COLEC12: variants seen among roughly 807,000 people sequenced by gnomAD.
The protein encoded by COLEC12 is collectin-12.
In COLEC12, 33 loss-of-function variants were observed where a neutral mutation model predicts 71.1. The observed-to-expected ratio is 0.46, with a 90% confidence interval of 0.35 to 0.62. COLEC12 has a LOEUF of 0.62. COLEC12 is among the 20% of genes least tolerant of loss of function. The pLI, the probability that COLEC12 is intolerant of heterozygous loss-of-function variation, is 0.00. For synonymous variants in COLEC12, 350 were observed against 353.0 expected, an observed-to-expected ratio of 0.99 and a Z score of 0.10; for missense variants, 765 against 916.1, an observed-to-expected ratio of 0.84 and a Z score of 2.13.
chr18:350,314 G>T (rs61663812), intron 3 of COLEC12, among the ~76,000 whole-genome samples: 5,108 of 152,102 alleles, frequency 0.034, 98 homozygotes, highest in Non-Finnish European at 0.038. Flanking sequence ...CGTGTAAGAA[G>T]TGCCTTTTGC....
At chr18:401,002 G>A (rs1915673799) in intron 2 of COLEC12, among the ~76,000 whole-genome samples, 1 of 152,134 alleles carries the variant, frequency 6.6e-6, no homozygotes, top group Non-Finnish European at 1.5e-5. Flanking sequence ...TTGTGAAGAT[G>A]CATTCTGTAT....
intron 2 of COLEC12, among the ~76,000 whole-genome samples, chr18:403,138 C>A (rs1234196906): frequency 6.6e-6 from 1 of 152,200 alleles, no homozygotes; most frequent in Non-Finnish European, 1.5e-5. Flanking sequence ...GACTTAGCCT[C>A]TGGCTACGGC....
Position 500,266 on chromosome 18 carries a change from C to T in COLEC12, c.7+242G>A, listed in dbSNP as rs1917794941. Among the ~76,000 whole-genome samples, 1 of 152,176 alleles carries T rather than the reference C, an allele frequency of 6.6e-6. No homozygotes were observed. Among genetic ancestry groups the T allele is most frequent in the East Asian group, 1.9e-4 (1 of 5,166 alleles). The stretch of plus-strand genomic sequence containing the variant: ...TAGGGCTTCAAACTACTTGCAAAGA[C>T]GCGATGGGGAGGGGAATACTTGCGC... On this transcript the variant is annotated intron_variant, in intron 1 of 9. Transcript: ENST00000400256. This position sits in a 1 kb window ranked among gnomAD's most constrained non-coding sequence, Gnocchi z 5.3.
intron 2 of COLEC12, among the ~76,000 whole-genome samples, chr18:461,648 A>G (rs1012170365): frequency 2.6e-5 from 4 of 152,150 alleles, no homozygotes; most frequent in African/African-American, 9.7e-5. Context: ...TTGGCCTACT[A>G]AAGTACTAGG....
chr18:357,076 A>G (rs1914642588), intron 3 of COLEC12, among the ~76,000 whole-genome samples: 2 of 152,184 alleles, frequency 1.3e-5, no homozygotes, highest in Non-Finnish European at 2.9e-5. Flanking sequence ...TAAAGCCTCC[A>G]AGAGATAGGA....
At chr18:481,280 G>C (rs1189667554) in intron 1 of COLEC12, among the ~76,000 whole-genome samples, 3 of 152,140 alleles carry the variant, frequency 2.0e-5, no homozygotes, top group Admixed American at 6.5e-5. Flanking sequence ...CATAACTCCT[G>C]CAGTGACAAC....
At chr18:378,940 C>T (rs1290019738) in intron 2 of COLEC12, among the ~76,000 whole-genome samples, 1 of 152,130 alleles carries the variant, frequency 6.6e-6, no homozygotes, top group African/African-American at 2.4e-5. Context: ...GAACTTCACA[C>T]CCAAACTGCC....
intron 1 of COLEC12, among the ~76,000 whole-genome samples, chr18:481,565 G>C (rs552218953): frequency 6.6e-6 from 1 of 152,292 alleles, no homozygotes; most frequent in Admixed American, 6.5e-5. Flanking sequence ...TTAGCCAGAT[G>C]TGGTGGCACG....
chr18:385,980 C>T (rs149981932), intron 2 of COLEC12, among the ~76,000 whole-genome samples: 23 of 152,212 alleles, frequency 1.5e-4, no homozygotes, highest in African/African-American at 5.5e-4. Context: ...ATGGCATTTA[C>T]CAGATGTCCT....
chr18:376,739 G>C (rs1598344014), intron 2 of COLEC12, among the ~76,000 whole-genome samples: 2 of 152,274 alleles, frequency 1.3e-5, no homozygotes. Context: ...TTTATTAGCT[G>C]CTTAACCCAA....
chr18:432,931 C>A (rs905673463), intron 2 of COLEC12, among the ~76,000 whole-genome samples: 12 of 152,146 alleles, frequency 7.9e-5, no homozygotes, highest in Non-Finnish European at 1.3e-4. Context: ...TCTTTTTTCA[C>A]ATGTGTCACT....
intron 5 of COLEC12, among the ~76,000 whole-genome samples, chr18:340,543 C>CACTTCTA (rs1914227521): frequency 6.6e-6 from 1 of 152,198 alleles, no homozygotes. Flanking sequence ...AAGTGCCCAG[C>CACTTCTA]CCAGTTTCCT....
intron 2 of COLEC12, among the ~76,000 whole-genome samples, chr18:385,657 G>T (rs983993634): frequency 6.6e-6 from 1 of 152,142 alleles, no homozygotes; most frequent in Non-Finnish European, 1.5e-5. Flanking sequence ...AGAAAGAAAA[G>T]AGATTTTAGT....
Position 335,191 on chromosome 18 carries a change from G to A in COLEC12, c.1367C>T (p.Ser456Phe), listed in dbSNP as rs1914090400. The A allele has an allele frequency of 6.2e-7, 1 of 1,611,010 alleles. No individual in the cohort carries two copies. Among genetic ancestry groups the A allele is most frequent in the Non-Finnish European group, 8.5e-7 (1 of 1,178,918 alleles). Reference protein sequence around the residue: ...GPRGPRGDRGSQGPPGPTGNK... With the variant: ...GPRGPRGDRGFQGPPGPTGNK... Reference sequence around the variant, plus strand: ...GCCAGTTGGGCCAGGGGGTCCCTGGGATCCTCTGTCACCTCTTGGACCCCT... The same window carrying A: ...GCCAGTTGGGCCAGGGGGTCCCTGGAATCCTCTGTCACCTCTTGGACCCCT... The change falls in exon 6 of 10, where the codon TCC becomes TTC. Residue 456 changes from serine to phenylalanine, a missense_variant. Physicochemically the swap from Ser to Phe is radical, Grantham distance 155. Transcript: ENST00000400256.
At chr18:365,479 C>A (rs1048013328) in intron 2 of COLEC12, among the ~76,000 whole-genome samples, 1 of 152,114 alleles carries the variant, frequency 6.6e-6, no homozygotes, top group Non-Finnish European at 1.5e-5. Context: ...AAATTGGTCA[C>A]CCCATGGTTT....
At chr18:481,242 T>G (rs1206357804) in intron 1 of COLEC12, among the ~76,000 whole-genome samples, 1 of 152,130 alleles carries the variant, frequency 6.6e-6, no homozygotes, top group Middle Eastern at 3.2e-3. Flanking sequence ...GTCATCTCCT[T>G]CACTAACTGT....
intron 2 of COLEC12, among the ~76,000 whole-genome samples, chr18:373,004 T>C (rs1915034221): frequency 6.6e-6 from 1 of 152,054 alleles, no homozygotes; most frequent in African/African-American, 2.4e-5. Flanking sequence ...TGTATTCTAG[T>C]TAGAGAGTAA....
Position 346,507 on chromosome 18 carries a change from G to A in COLEC12, c.1115C>T (p.Thr372Ile). ...SNLNEVRTTC[T>I]DTLTKHTDDL... The stretch of plus-strand genomic sequence containing the variant: ...ATCTGTGTGTTTGGTAAGGGTATCT[G>A]TGCAAGTGGTCCTGACTTCATTTAG... The change falls in exon 5 of 10, where the codon ACA becomes ATA. Residue 372 changes from threonine to isoleucine, a missense_variant. Physicochemically the swap from Thr to Ile is moderately conservative, Grantham distance 89. Coordinates refer to ENST00000400256, the MANE Select transcript of COLEC12 (RefSeq NM_130386.3). This position sits in a 1 kb window ranked among gnomAD's most constrained non-coding sequence, Gnocchi z 4.0. 6.2e-7 allele frequency: 1 copy of A among 1,614,166 alleles called. No homozygotes were observed. The highest frequency in any genetic ancestry group is 8.5e-7 in the Non-Finnish European group (1 of 1,180,002).
In COLEC12 at chr18:418,421, A is replaced by G. The variant is rs374175075; in HGVS notation, c.59-60899T>C. On this transcript the variant is annotated intron_variant, in intron 2 of 9. Transcript: ENST00000400256. ...ATCAGTGAAAGTACAAACTAACTCA[A>G]TCCTGGGTCTGTCTCTGTCAGAGGC... 2.6e-4 allele frequency among the ~76,000 whole-genome samples: 40 copies of G among 152,300 alleles called. No individual in the cohort carries two copies. The South Asian group carries it at 7.9e-3, about 30-fold the overall frequency.
Sources: allele counts gnomAD v4.1 joint callset (sites outside exome capture counted in the v4.1 genomes callset), GRCh38; gene constraint gnomAD v4.1.1; non-coding constraint Gnocchi (gnomAD v3.1); transcripts MANE v1.5; gene names NCBI Gene and HGNC (gene_info 2026-07-23, HGNC 2026-07-21).